SYT11: variants seen among roughly 807,000 people sequenced by gnomAD.
The protein encoded by SYT11 is synaptotagmin-11.
A neutral mutation model predicts 30.4 loss-of-function variants in SYT11; 12 were observed. The ratio of observed to expected loss-of-function variants is 0.39; its 90% confidence interval spans 0.25 to 0.64. SYT11 has a LOEUF of 0.64. Ranked by LOEUF, SYT11 falls within the 30% of genes least tolerant of loss-of-function variation. The pLI, the probability that SYT11 is intolerant of heterozygous loss-of-function variation, is 0.45. For synonymous variants in SYT11, 204 were observed against 216.0 expected (o/e 0.94, Z 0.49); for missense variants, 412 against 552.0 (o/e 0.75, Z 2.54).
rs202148639 is a variant in SYT11, at chr1:155,866,079, C to CA, written c.35-1876dup. On this transcript the variant is annotated intron_variant, in intron 1 of 3. Coordinates refer to ENST00000368324, the MANE Select transcript of SYT11 (RefSeq NM_152280.5). ...AAAGATAAGACTAGGGTAAGGGAAA[C>CA]AAAAAAAAAATCTATTTCTCTTTCT... 2.3e-3 allele frequency among the ~76,000 whole-genome samples: 305 copies of CA among 133,500 alleles called. 3 individuals are homozygous for CA. Among genetic ancestry groups the CA allele is most frequent in the East Asian group, 8.6e-3 (39 of 4,532 alleles). The allele number at this position is 133,500 out of a possible 152,430, so 87.6% of individuals were successfully genotyped here. A position where few individuals can be genotyped will look rare whatever the true frequency, so the allele number is the denominator to read the frequency against.
chr1:155,881,626 C>A lies in SYT11; in HGVS notation c.*118C>A. ...TTTAGTTGTAGAAGAAAATTTCTTA[C>A]AAAACAAATTCCACAAAGAACACCC... is the stretch of plus-strand genomic sequence containing the variant. On this transcript the variant is annotated 3_prime_UTR_variant, in exon 4 of 4. Coordinates refer to ENST00000368324, the MANE Select transcript of SYT11 (RefSeq NM_152280.5). 2.0e-6 allele frequency: 2 copies of A among 980,304 alleles called. No homozygotes were observed. Among genetic ancestry groups the A allele is most frequent in the Non-Finnish European group, 3.0e-6 (2 of 672,456 alleles). The allele number at this position is 980,304 out of a possible 1,614,324, so 60.7% of individuals were successfully genotyped here. A position where few individuals can be genotyped will look rare whatever the true frequency, so the allele number is the denominator to read the frequency against.
chr1:155,869,990 G>A (rs972896889), intron 2 of SYT11, among the ~76,000 whole-genome samples: 1 of 152,208 alleles, frequency 6.6e-6, no homozygotes, highest in African/African-American at 2.4e-5. Context: ...GTAAAATGGA[G>A]CTGATAATAT....
intron 2 of SYT11, among the ~76,000 whole-genome samples, chr1:155,876,171 G>T (rs1429927945): frequency 6.6e-6 from 1 of 150,480 alleles, no homozygotes; most frequent in Admixed American, 6.6e-5. Context: ...AAGGGTGATT[G>T]TGGGGGTATG....
chr1:155,869,539 TGGGATTACA>T (rs1672750195), intron 2 of SYT11, among the ~76,000 whole-genome samples: 1 of 152,138 alleles, frequency 6.6e-6, no homozygotes, highest in Non-Finnish European at 1.5e-5. Flanking sequence ...CCAAAAGTAC[TGGGATTACA>T]GGCATGAGCC....
rs996762858 is a variant in SYT11, at chr1:155,860,611, G to A, written c.34+816G>A. On this transcript the variant is annotated intron_variant, in intron 1 of 3. Coordinates refer to ENST00000368324, the MANE Select transcript of SYT11 (RefSeq NM_152280.5). The surrounding 1 kb of genome is among the most constrained non-coding windows in gnomAD (Gnocchi z 4.1). ...TGGCGGGGGCGCGATCCAGGCCGGA[G>A]GGGGAGGGGCGAAAGAGGCCCAGCC... Among the ~76,000 whole-genome samples, 1 of 152,182 alleles carries A rather than the reference G, an allele frequency of 6.6e-6. No homozygotes were observed. Among genetic ancestry groups the A allele is most frequent in the Non-Finnish European group, 1.5e-5 (1 of 68,028 alleles).
chr1:155,864,731 G>A (rs1458116377), intron 1 of SYT11, among the ~76,000 whole-genome samples: 1 of 113,774 alleles, frequency 8.8e-6, no homozygotes, highest in Non-Finnish European at 1.8e-5. Flanking sequence ...TTTTTTTTGA[G>A]ATGGAGTCTC....
At chr1:155,869,263 C>CTTTTTTTTT (rs767071892) in intron 2 of SYT11, among the ~76,000 whole-genome samples, 6 of 83,880 alleles carry the variant, frequency 7.2e-5, no homozygotes, top group Admixed American at 1.8e-4. Context: ...ATGTACATGT[C>CTTTTTTTTT]TTTTTTTTTT....
chr1:155,867,913 G>T, intron 1 of SYT11, 52 bp from the exon 2 acceptor site: 2 of 1,387,576 alleles, frequency 1.4e-6, no homozygotes. Flanking sequence ...GGGAGATCTA[G>T]ACAGGAGGTG....
At chr1:155,865,046 G>T (rs1672647572) in intron 1 of SYT11, among the ~76,000 whole-genome samples, 1 of 152,092 alleles carries the variant, frequency 6.6e-6, no homozygotes, top group African/African-American at 2.4e-5. Context: ...AGGCTGTTTT[G>T]AATTCACTGA....
At chr1:155,872,845 G>A (rs1018795789) in intron 2 of SYT11, among the ~76,000 whole-genome samples, 3 of 152,282 alleles carry the variant, frequency 2.0e-5, no homozygotes, top group African/African-American at 4.8e-5. Flanking sequence ...ATCACAAAGC[G>A]GCGCTGAGTG....
chr1:155,872,287 A>G (rs1026416869), intron 2 of SYT11, among the ~76,000 whole-genome samples: 2 of 152,036 alleles, frequency 1.3e-5, no homozygotes, highest in African/African-American at 4.8e-5. Flanking sequence ...TTGAATGTTA[A>G]GGTTTTGTTT....
At chr1:155,870,725 C>T (rs1353795733) in intron 2 of SYT11, among the ~76,000 whole-genome samples, 1 of 152,162 alleles carries the variant, frequency 6.6e-6, no homozygotes, top group Non-Finnish European at 1.5e-5. Flanking sequence ...AAGAAGGGTA[C>T]TGTGCCAAGT....
intron 1 of SYT11, among the ~76,000 whole-genome samples, chr1:155,861,805 A>G (rs1359617314): frequency 6.6e-6 from 1 of 152,160 alleles, no homozygotes; most frequent in Non-Finnish European, 1.5e-5. Flanking sequence ...TTTAGTAGAG[A>G]TGGGGTTTCT....
chr1:155,881,363 T>G lies in SYT11; in HGVS notation c.1151T>G (p.Phe384Cys). The stretch of plus-strand genomic sequence containing the variant: ...AGCATCGAGTTCCTCGTTATCGACT[T>G]CGATCGCACCACCAAGAATGAGGTG... ...DISIEFLVID[F>C]DRTTKNEVVG... The change falls in exon 4 of 4, where the codon TTC (phenylalanine) becomes TGC (cysteine). Residue 384 changes from phenylalanine (F) to cysteine (C), a missense_variant. Coordinates refer to ENST00000368324, the MANE Select transcript of SYT11 (RefSeq NM_152280.5). The G allele has an allele frequency of 1.2e-6, 2 of 1,614,122 alleles. No individual in the cohort carries two copies. The highest frequency in any genetic ancestry group is 1.7e-6 in the Non-Finnish European group (2 of 1,180,020).
intron 2 of SYT11, among the ~76,000 whole-genome samples, chr1:155,869,263 CT>C (rs767071892): frequency 0.058 from 4,824 of 83,558 alleles, 36 homozygotes; most frequent in African/African-American, 0.12. Context: ...ATGTACATGT[CT>C]TTTTTTTTTT....
rs1179516756 is a variant in SYT11 at position 155,868,369 on chromosome 1, A to C, written c.439A>C (p.Thr147Pro). 6.2e-7 allele frequency: 1 copy of C among 1,612,378 alleles called. No individual in the cohort carries two copies. Among genetic ancestry groups the C allele is most frequent in the African/African-American group, 1.3e-5 (1 of 74,282 alleles). ...CCTGACCCCTGGGGAGAGCAAAACC[A>C]CCTCTCCATCATCTCCAGAGGAGGA... ...TSLTPGESKT[T>P]SPSSPEEDVM... Residue 147 changes from threonine to proline, a missense_variant, in exon 2 of 4, where the codon ACC (threonine) becomes CCC (proline). Transcript: ENST00000368324. This position sits in a 1 kb window ranked among gnomAD's most constrained non-coding sequence, Gnocchi z 4.7.
At chr1:155,874,048 T>A (rs539348424) in intron 2 of SYT11, among the ~76,000 whole-genome samples, 29 of 151,622 alleles carry the variant, frequency 1.9e-4, no homozygotes, top group Non-Finnish European at 1.5e-4. Flanking sequence ...CGCCTATAAT[T>A]CCAGCACTTA....
rs1266166373 is a variant in SYT11 at position 155,883,152 on chromosome 1, T to C, written c.*1644T>C. 6.6e-6 allele frequency: 1 copy of C among 152,338 alleles called. No homozygotes were observed. The highest frequency in any genetic ancestry group is 2.4e-5 in the African/African-American group (1 of 41,462). The allele number at this position is 152,338 out of a possible 1,614,324, so 9.4% of individuals were successfully genotyped here. The stretch of plus-strand genomic sequence containing the variant: ...GGTTGAGAGAGATTCAGCATCTTTC[T>C]GGGATTAGAATTCAAGTCTCTTTAC... On this transcript the variant is annotated 3_prime_UTR_variant, in exon 4 of 4. Coordinates refer to ENST00000368324, the MANE Select transcript of SYT11 (RefSeq NM_152280.5).
intron 2 of SYT11, among the ~76,000 whole-genome samples, chr1:155,877,853 G>T (rs968902454): frequency 7.9e-5 from 12 of 152,156 alleles, no homozygotes; most frequent in Non-Finnish European, 1.3e-4. Flanking sequence ...ACTGCTCCCG[G>T]CTATAGCGGC....
Sources: gnomAD v4.1 joint callset for allele counts (sites outside exome capture counted in the v4.1 genomes callset) on GRCh38, gnomAD v4.1.1 for gene constraint, Gnocchi (gnomAD v3.1) non-coding constraint, MANE v1.5 for transcripts, NCBI Gene and HGNC (gene_info 2026-07-23, HGNC 2026-07-21) for gene names.